CSMD1: variants seen among roughly 807,000 people sequenced by gnomAD.
CSMD1 encodes the protein CUB and sushi domain-containing protein 1.
A neutral mutation model predicts 417.5 loss-of-function variants in CSMD1; 213 were observed. The observed-to-expected ratio is 0.51, with a 90% CI of 0.46 to 0.57. The LOEUF (loss-of-function observed/expected upper bound fraction) is 0.57. Ranked by LOEUF, CSMD1 falls within the 20% of genes least tolerant of loss-of-function variation. The pLI, the probability that CSMD1 is intolerant of heterozygous loss-of-function variation, is 0.00. For missense variants in CSMD1, 6,923 were observed against 4,529.7 expected (o/e 1.53, Z -15.17); for synonymous variants, 2,862 against 1,736.8 (o/e 1.65, Z -16.11).
intron 3 of CSMD1, among the ~76,000 whole-genome samples, chr8:4,333,717 G>A (rs1335633760): frequency 6.6e-6 from 1 of 152,120 alleles, no homozygotes; most frequent in Non-Finnish European, 1.5e-5. Flanking sequence ...AGAAAGGACT[G>A]CTTACAATGA....
intron 1 of CSMD1, among the ~76,000 whole-genome samples, chr8:4,755,786 C>G (rs191182275): frequency 4.1e-4 from 63 of 152,238 alleles, no homozygotes; most frequent in Non-Finnish European, 2.2e-4. Context: ...TCTTCATGAA[C>G]GCTATTTTTT....
At chr8:4,899,698 G>A (rs144448101) in intron 1 of CSMD1, among the ~76,000 whole-genome samples, 1 of 152,160 alleles carries the variant, frequency 6.6e-6, no homozygotes, top group East Asian at 1.9e-4. Context: ...AATGTGTATA[G>A]TTAAAAATTT....
chr8:3,928,993 A>C (rs577657081), intron 5 of CSMD1, among the ~76,000 whole-genome samples: 1 of 150,614 alleles, frequency 6.6e-6, no homozygotes, highest in Non-Finnish European at 1.5e-5. Flanking sequence ...TCATTGTATA[A>C]GAAATCTTAC....
intron 3 of CSMD1, among the ~76,000 whole-genome samples, chr8:4,073,994 G>T (rs911338779): frequency 1.3e-5 from 2 of 152,004 alleles, no homozygotes; most frequent in African/African-American, 2.4e-5. Context: ...GCTTTGGGAA[G>T]CTTTAATGAC....
intron 11 of CSMD1, among the ~76,000 whole-genome samples, chr8:3,485,526 T>TACACAC (rs149963962): frequency 0.053 from 7,155 of 135,956 alleles, 203 homozygotes; most frequent in African/African-American, 0.078. Context: ...TTCATAACAA[T>TACACAC]ACACACACAC....
intron 23 of CSMD1, among the ~76,000 whole-genome samples, chr8:3,329,614 C>T (rs943997795): frequency 1.3e-5 from 2 of 152,194 alleles, no homozygotes; most frequent in African/African-American, 4.8e-5. Flanking sequence ...GTCCCCTTCA[C>T]AGGTTGGAGC....
chr8:4,321,485 T>C (rs914808228), intron 3 of CSMD1, among the ~76,000 whole-genome samples: 1 of 152,156 alleles, frequency 6.6e-6, no homozygotes, highest in Non-Finnish European at 1.5e-5. Flanking sequence ...GTGATGCAAG[T>C]TAGACAAACA....
intron 44 of CSMD1, among the ~76,000 whole-genome samples, chr8:3,108,209 T>A (rs1816269619): frequency 6.6e-6 from 1 of 152,202 alleles, no homozygotes; most frequent in South Asian, 2.1e-4. Context: ...TTGACAGATG[T>A]TCTACATATC....
chr8:4,069,166 T>G (rs1030754091), intron 3 of CSMD1, among the ~76,000 whole-genome samples: 2 of 152,204 alleles, frequency 1.3e-5, no homozygotes, highest in African/African-American at 2.4e-5. Context: ...AAATATATAC[T>G]ATGATGGGTA....
At chr8:3,382,010 C>T (rs1232447771) in intron 18 of CSMD1, among the ~76,000 whole-genome samples, 1 of 152,110 alleles carries the variant, frequency 6.6e-6, no homozygotes, top group Non-Finnish European at 1.5e-5. Context: ...ATAATCCCAG[C>T]ACTTTGGGAG....
intron 10 of CSMD1, among the ~76,000 whole-genome samples, chr8:3,565,120 G>C (rs1277029176): frequency 4.1e-5 from 2 of 48,944 alleles, no homozygotes; most frequent in East Asian, 7.8e-4. Context: ...TAACTCTGTA[G>C]TGCAAGACAG....
chr8:4,357,054 T>C (rs529335513), intron 3 of CSMD1, among the ~76,000 whole-genome samples: 1 of 152,362 alleles, frequency 6.6e-6, no homozygotes, highest in East Asian at 1.9e-4. Context: ...TATTAAAATG[T>C]ATCTTTACTG....
chr8:3,717,701 A>T (rs1801921894), intron 6 of CSMD1, among the ~76,000 whole-genome samples: 1 of 152,204 alleles, frequency 6.6e-6, no homozygotes, highest in South Asian at 2.1e-4. Flanking sequence ...AAGACACTTA[A>T]TATTGGTAGA....
chr8:4,660,295 C>T (rs2617026), intron 1 of CSMD1, among the ~76,000 whole-genome samples: 81,190 of 151,814 alleles, frequency 0.53, 22,123 homozygotes, highest in Admixed American at 0.65. Flanking sequence ...GAGTTAAAAA[C>T]GCAACACAAT....
chr8:3,431,868 T>A (rs1240901243), intron 12 of CSMD1, among the ~76,000 whole-genome samples: 1 of 152,138 alleles, frequency 6.6e-6, no homozygotes, highest in East Asian at 1.9e-4. Context: ...ACGCCCACAG[T>A]GAGATAAGAT....
intron 2 of CSMD1, among the ~76,000 whole-genome samples, chr8:4,597,829 T>C (rs1800367773): frequency 6.6e-6 from 1 of 152,294 alleles, no homozygotes; most frequent in South Asian, 2.1e-4. Context: ...ATGAGCCTGC[T>C]TGTCCCCCAA....
intron 5 of CSMD1, among the ~76,000 whole-genome samples, chr8:3,918,110 G>A (rs1808951829): frequency 6.6e-6 from 1 of 151,918 alleles, no homozygotes; most frequent in Non-Finnish European, 1.5e-5. Flanking sequence ...GTGCATTTAT[G>A]TTGTTTCCTA....
At chr8:3,187,443 G>T (rs1459818125) in intron 36 of CSMD1, among the ~76,000 whole-genome samples, 2 of 152,120 alleles carry the variant, frequency 1.3e-5, no homozygotes, top group Non-Finnish European at 2.9e-5. Context: ...TTCGTGCCTG[G>T]CTACATATGA....
chr8:3,353,420 A>G (rs936355497), intron 21 of CSMD1, among the ~76,000 whole-genome samples: 2 of 152,188 alleles, frequency 1.3e-5, no homozygotes, highest in Non-Finnish European at 2.9e-5. Flanking sequence ...CTCGCATATC[A>G]CAAAATGTTT....
Sources: gnomAD v4.1 joint callset for allele counts (sites outside exome capture counted in the v4.1 genomes callset) on GRCh38, gnomAD v4.1.1 for gene constraint, MANE v1.5 for transcripts, NCBI Gene and HGNC (gene_info 2026-07-23, HGNC 2026-07-21) for gene names.